Variants in GNPTAB observed in about 807,000 individuals in gnomAD.
The protein encoded by GNPTAB is N-acetylglucosamine-1-phosphotransferase subunits alpha/beta.
A neutral mutation model predicts 136.6 loss-of-function variants in GNPTAB; 92 were observed. The observed-to-expected ratio is 0.67, with a 90% confidence interval of 0.57 to 0.80. GNPTAB has a LOEUF of 0.80. Among genes scored for constraint, GNPTAB ranks in the 30% least tolerant of loss-of-function variants. The probability of loss-of-function intolerance (pLI) is 0.00; values close to 1 mark genes in which losing one functional copy is unlikely to be tolerated. For missense variants in GNPTAB, 1,343 were observed against 1,501.8 expected (o/e 0.89, Z 1.75); for synonymous variants, 512 against 535.1 (o/e 0.96, Z 0.60).
intron 7 of GNPTAB, chr12:101,779,754 G>A (rs1354150190): frequency 4.0e-6 from 1 of 247,498 alleles, no homozygotes; most frequent in African/African-American, 2.3e-5. Context: ...GCCTTTGTCT[G>A]TTTTGTCCAC....
At chr12:101,809,699 G>A (rs1211400778) in intron 1 of GNPTAB, among the ~76,000 whole-genome samples, 3 of 152,186 alleles carry the variant, frequency 2.0e-5, no homozygotes, top group African/African-American at 7.2e-5. Flanking sequence ...TCTGGAAAAG[G>A]CCCAACTACA....
intron 19 of GNPTAB, among the ~76,000 whole-genome samples, chr12:101,752,478 T>C (rs1952835282): frequency 6.6e-6 from 1 of 152,156 alleles, no homozygotes; most frequent in Middle Eastern, 3.2e-3. Context: ...CATTATAAAG[T>C]TTCCTGGTTG....
chr12:101,812,698 G>A (rs1269091215), intron 1 of GNPTAB, among the ~76,000 whole-genome samples: 1 of 152,156 alleles, frequency 6.6e-6, no homozygotes, highest in East Asian at 1.9e-4. Context: ...GGCTGAGGCT[G>A]CAGTGAGCTG....
At chr12:101,819,198 G>T (rs775801220) in intron 1 of GNPTAB, among the ~76,000 whole-genome samples, 1 of 152,070 alleles carries the variant, frequency 6.6e-6, no homozygotes, top group Non-Finnish European at 1.5e-5. Context: ...TTTTGGTAGA[G>T]ACAGGGTTTC....
chr12:101,788,625 T>C (rs201625955), intron 3 of GNPTAB, 36 bp from the exon 4 acceptor site: 146 of 1,062,728 alleles, frequency 1.4e-4, no homozygotes, highest in Non-Finnish European at 2.0e-4. Context: ...TACATACATA[T>C]GGGCTACTAT....
intron 2 of GNPTAB, among the ~76,000 whole-genome samples, chr12:101,793,134 T>A (rs1869084949): frequency 1.3e-5 from 2 of 152,166 alleles, no homozygotes; most frequent in Non-Finnish European, 2.9e-5. Flanking sequence ...TCCTCCTACA[T>A]GGGTGGGGTT....
At chr12:101,767,471 T>C (rs979812013) in intron 11 of GNPTAB, among the ~76,000 whole-genome samples, 86 of 152,350 alleles carry the variant, frequency 5.6e-4, no homozygotes, top group African/African-American at 2.0e-3. Flanking sequence ...AGAGTGATTC[T>C]TGCTCTTGGA....
chr12:101,811,891 G>A (rs189808266), intron 1 of GNPTAB, among the ~76,000 whole-genome samples: 1,593 of 150,324 alleles, frequency 0.011, 18 homozygotes, highest in Non-Finnish European at 0.013. Flanking sequence ...TAACTGCCTC[G>A]GCCTCCCAAA....
At chr12:101,807,031 A>G (rs1222044876) in intron 1 of GNPTAB, among the ~76,000 whole-genome samples, 1 of 152,224 alleles carries the variant, frequency 6.6e-6, no homozygotes, top group Admixed American at 6.5e-5. Context: ...GAAAACCCTC[A>G]GTAAAATATT....
chr12:101,789,944 G>T lies in GNPTAB; in HGVS notation c.317C>A (p.Ala106Glu). Reference sequence around the variant, plus strand: ...AAAAAAAAATCAGTTTTACCTCATTGCTTTCTGCTCCTCCTCCATCTGTTC... The same window carrying T: ...AAAAAAAAATCAGTTTTACCTCATTTCTTTCTGCTCCTCCTCCATCTGTTC... ...VREQMEEEQK[A>E]MREILGKNTT... is the part of the protein sequence containing the mutation. The change falls in exon 3 of 21, where the codon GCA becomes GAA. Residue 106 changes from alanine to glutamate, a missense_variant. Transcript: ENST00000299314. 1 of 1,613,892 alleles carries T rather than the reference G, an allele frequency of 6.2e-7. No individual in the cohort carries two copies.
At position 101,830,752 on chromosome 12, in the gene GNPTAB, T is replaced by A; in HGVS notation, c.-77A>T. The A allele has an allele frequency of 3.3e-6, 3 of 913,662 alleles. No individual in the cohort carries two copies. Among genetic ancestry groups the A allele is most frequent in the Non-Finnish European group, 3.4e-6 (2 of 585,268 alleles). The allele number at this position is 913,662 out of a possible 1,614,324, so 56.6% of individuals were successfully genotyped here. On this transcript the variant is annotated 5_prime_UTR_variant, in exon 1 of 21. An upstream start codon of the reference 5' UTR is lost. Coordinates refer to ENST00000299314, the MANE Select transcript of GNPTAB (RefSeq NM_024312.5). ...CCGCCGCCGCCTCAGCGAGCCGCCA[T>A]TCAGGGGCCCCGGTCGGGCCGCCGC...
chr12:101,773,057 C>T (rs1594222840), intron 7 of GNPTAB: 1 of 179,216 alleles, frequency 5.6e-6, no homozygotes. Flanking sequence ...ACAATCTGCC[C>T]GCCTCGGCCT....
intron 1 of GNPTAB, among the ~76,000 whole-genome samples, chr12:101,822,478 C>T (rs1052534583): frequency 2.0e-5 from 3 of 152,336 alleles, no homozygotes; most frequent in African/African-American, 4.8e-5. Context: ...AGAGCTCCTG[C>T]ACTCATTCAG....
chr12:101,763,008 G>A (rs1412448006), intron 13 of GNPTAB, among the ~76,000 whole-genome samples: 1 of 151,052 alleles, frequency 6.6e-6, no homozygotes, highest in Non-Finnish European at 1.5e-5. Context: ...ATCACCTTAA[G>A]TCAGGAGTTC....
At chr12:101,754,934 T>A (rs1431916271) in intron 18 of GNPTAB, among the ~76,000 whole-genome samples, 1 of 151,852 alleles carries the variant, frequency 6.6e-6, no homozygotes, top group Non-Finnish European at 1.5e-5. Context: ...AAAAGAGAGA[T>A]GGAGGGAAAA....
chr12:101,796,423 G>A (rs775481437), intron 2 of GNPTAB: 20 of 639,966 alleles, frequency 3.1e-5, no homozygotes, highest in African/African-American at 1.3e-4. Context: ...AATATCTTAC[G>A]GAATACTTCA....
intron 1 of GNPTAB, among the ~76,000 whole-genome samples, chr12:101,816,280 T>C (rs2137180890): frequency 6.6e-6 from 1 of 152,298 alleles, no homozygotes; most frequent in Admixed American, 6.5e-5. Context: ...AAAAATTATT[T>C]GTAAACTATT....
Position 101,830,798 on chromosome 12 carries a change from G to T in GNPTAB, c.-123C>A, listed in dbSNP as rs1871336979. 1 of 436,572 alleles carries T rather than the reference G, an allele frequency of 2.3e-6. No homozygotes were observed. The highest frequency in any genetic ancestry group is 4.8e-5 in the East Asian group (1 of 20,698). 27.0% of individuals were successfully genotyped at this position (436,572 alleles called of 1,614,324 possible). A position where few individuals can be genotyped will look rare whatever the true frequency, so the allele number is the denominator to read the frequency against. ...GCCGCGCGCAGGTCACAGCCTCCGG[G>T]CGCCGCTCATTGCAGCTCCGGCGAC... On this transcript the variant is annotated 5_prime_UTR_variant, in exon 1 of 21. Coordinates refer to ENST00000299314, the MANE Select transcript of GNPTAB (RefSeq NM_024312.5).
intron 11 of GNPTAB, among the ~76,000 whole-genome samples, chr12:101,767,362 A>G (rs1259123973): frequency 6.6e-6 from 1 of 152,246 alleles, no homozygotes; most frequent in South Asian, 2.1e-4. Context: ...TGCTGAGGAG[A>G]GAAAATACTT....
Sources: gnomAD v4.1 joint callset for allele counts (sites outside exome capture counted in the v4.1 genomes callset) on GRCh38, gnomAD v4.1.1 for gene constraint, MANE v1.5 for transcripts, NCBI Gene and HGNC (gene_info 2026-07-23, HGNC 2026-07-21) for gene names.